ADGRL2: variants seen among roughly 807,000 people sequenced by gnomAD.
ADGRL2 encodes the protein adhesion G protein-coupled receptor L2.
A neutral mutation model predicts 157.4 loss-of-function variants in ADGRL2; 44 were observed. That is an observed-to-expected ratio of 0.28 (90% CI 0.22 to 0.36). The LOEUF is 0.36. Among genes scored for constraint, ADGRL2 ranks in the 10% least tolerant of loss-of-function variants. The probability of loss-of-function intolerance (pLI) is 1.00; values close to 1 mark genes in which losing one functional copy is unlikely to be tolerated. For synonymous variants in ADGRL2, 585 were observed against 624.7 expected, an observed-to-expected ratio of 0.94 and a Z score of 0.95; for missense variants, 1,510 against 1,768.9, an observed-to-expected ratio of 0.85 and a Z score of 2.63.
At chr1:81,819,000 G>A (rs989243605) in intron 1 of ADGRL2, among the ~76,000 whole-genome samples, 1 of 152,122 alleles carries the variant, frequency 6.6e-6, no homozygotes, top group African/African-American at 2.4e-5. Context: ...AAACGGGTGT[G>A]TTAGTTTGGG....
upstream of ADGRL2, among the ~76,000 whole-genome samples, chr1:81,798,520 T>G (rs1175891534): frequency 6.6e-6 from 1 of 151,872 alleles, no homozygotes; most frequent in Non-Finnish European, 1.5e-5. Context: ...TTGAACTCTA[T>G]AGAATACACA....
At chr1:81,726,543 A>G (rs1557599923) in intron 1 of ADGRL2, among the ~76,000 whole-genome samples, 1 of 152,206 alleles carries the variant, frequency 6.6e-6, no homozygotes, top group African/African-American at 2.4e-5. Context: ...ACTAGAGTTG[A>G]GAGTGCGGGT....
chr1:81,736,053 G>A (rs2084888315), intron 1 of ADGRL2, among the ~76,000 whole-genome samples: 1 of 149,756 alleles, frequency 6.7e-6, no homozygotes. Context: ...TGAGGCAGGA[G>A]AATGGCATGA....
chr1:81,460,407 C>A (rs1441378162), intron 2 of ADGRL2, among the ~76,000 whole-genome samples: 1 of 151,910 alleles, frequency 6.6e-6, no homozygotes, highest in Non-Finnish European at 1.5e-5. Flanking sequence ...AAATTTACAA[C>A]AGCTGCTTTA....
intron 2 of ADGRL2, among the ~76,000 whole-genome samples, chr1:81,838,868 G>C (rs986744609): frequency 6.6e-6 from 1 of 151,930 alleles, no homozygotes; most frequent in Non-Finnish European, 1.5e-5. Flanking sequence ...ATCAGGCCAG[G>C]GGGTATTGCT....
intron 3 of ADGRL2, among the ~76,000 whole-genome samples, chr1:81,652,250 C>T (rs948264889): frequency 1.3e-5 from 2 of 152,176 alleles, no homozygotes; most frequent in Non-Finnish European, 2.9e-5. Flanking sequence ...GGTTTCCCAG[C>T]TGAAAATATT....
chr1:81,990,239 T>G (rs1664322999), intron 23 of ADGRL2, 152 bp from the exon 24 acceptor site: 5 of 1,483,064 alleles, frequency 3.4e-6, no homozygotes, highest in Non-Finnish European at 4.4e-6. Context: ...CTATTTACAG[T>G]TGGGAATGCA....
At chr1:81,540,683 C>A (rs1003433162) in intron 2 of ADGRL2, among the ~76,000 whole-genome samples, 3 of 152,086 alleles carry the variant, frequency 2.0e-5, no homozygotes. Flanking sequence ...AAAATAAACA[C>A]GGGCCAGATC....
chr1:81,360,472 G>A (rs994698105), intron 1 of ADGRL2, among the ~76,000 whole-genome samples: 8 of 151,976 alleles, frequency 5.3e-5, no homozygotes, highest in African/African-American at 1.7e-4. Flanking sequence ...GTATGCTCCT[G>A]GAACAGAGAT....
intron 1 of ADGRL2, among the ~76,000 whole-genome samples, chr1:81,404,221 G>A (rs568048407): frequency 1.2e-4 from 18 of 152,232 alleles, no homozygotes; most frequent in Middle Eastern, 3.4e-3. Flanking sequence ...CCCCCTTGCC[G>A]CCATCTACTA....
intron 3 of ADGRL2, among the ~76,000 whole-genome samples, chr1:81,601,082 G>A (rs899170953): frequency 6.6e-6 from 1 of 152,136 alleles, no homozygotes; most frequent in Non-Finnish European, 1.5e-5. Context: ...TAGCAACTGC[G>A]TTTTCCTTGG....
intron 3 of ADGRL2, among the ~76,000 whole-genome samples, chr1:81,621,420 A>G (rs1001354129): frequency 6.6e-6 from 1 of 152,182 alleles, no homozygotes; most frequent in Non-Finnish European, 1.5e-5. Flanking sequence ...CCATCTTAGA[A>G]GACTGGAAAG....
At chr1:81,624,675 T>G (rs2081872333) in intron 3 of ADGRL2, among the ~76,000 whole-genome samples, 1 of 152,108 alleles carries the variant, frequency 6.6e-6, no homozygotes. Context: ...AACTTTACAA[T>G]AAAAACTGTA....
intron 2 of ADGRL2, among the ~76,000 whole-genome samples, chr1:81,881,499 T>G (rs535809971): frequency 7.0e-4 from 106 of 152,312 alleles, no homozygotes; most frequent in African/African-American, 2.5e-3. Context: ...TAGTCCCATG[T>G]TCATGTTTGA....
intron 2 of ADGRL2, among the ~76,000 whole-genome samples, chr1:81,538,799 G>A (rs1005665243): frequency 5.3e-5 from 8 of 152,058 alleles, no homozygotes; most frequent in Non-Finnish European, 1.2e-4. Flanking sequence ...GAGCTCAGGA[G>A]TTCAAGACCA....
At chr1:81,763,588 CAA>C (rs35775918) in intron 2 of ADGRL2, among the ~76,000 whole-genome samples, 2 of 122,068 alleles carry the variant, frequency 1.6e-5, no homozygotes, top group Non-Finnish European at 1.7e-5. Flanking sequence ...GATTCAGTCT[CAA>C]AAAAAAAAAA....
intron 3 of ADGRL2, among the ~76,000 whole-genome samples, chr1:81,691,880 G>GTATATATATATATATATA (rs58043778): frequency 1.2e-4 from 14 of 119,872 alleles, no homozygotes; most frequent in Middle Eastern, 4.9e-3. Flanking sequence ...GTGTGTGTGT[G>GTATATATATATATATATA]TATATATATA....
chr1:81,432,987 G>A (rs892760906), intron 1 of ADGRL2, among the ~76,000 whole-genome samples: 32 of 152,072 alleles, frequency 2.1e-4, no homozygotes, highest in African/African-American at 6.0e-4. Flanking sequence ...GGCTTGCCTG[G>A]TACCCTGTAG....
rs1227265887 is a variant in ADGRL2 at position 81,936,734 on chromosome 1, C to T, written c.294C>T (p.Asn98=). The T allele has an allele frequency of 6.4e-7, 1 of 1,567,536 alleles. No individual in the cohort carries two copies. Among genetic ancestry groups the T allele is most frequent in the South Asian group, 1.2e-5 (1 of 85,058 alleles). Residue 98 remains asparagine, a synonymous_variant, in exon 4 of 24, where the codon AAC becomes AAT. Coordinates refer to ENST00000686636, the MANE Select transcript of ADGRL2 (RefSeq NM_001366006.2). ...DAFKIMTQRC[N]NRTQCIVVTG... ...GATACATTTTGTTTTTCAGGTGCAACAATCGAACACAGTGTATAGTAGTTA... is the reference window on the plus strand; with the variant it reads ...GATACATTTTGTTTTTCAGGTGCAATAATCGAACACAGTGTATAGTAGTTA...
Sources: allele counts gnomAD v4.1 joint callset (sites outside exome capture counted in the v4.1 genomes callset), GRCh38; gene constraint gnomAD v4.1.1; transcripts MANE v1.5; gene names NCBI Gene and HGNC (gene_info 2026-07-23, HGNC 2026-07-21).